Variants in TMEM131 observed in about 807,000 individuals in gnomAD.
TMEM131 encodes the protein transmembrane protein 131.
TMEM131 carries 66 observed loss-of-function variants against 211.6 expected under a neutral mutation model. The ratio of observed to expected loss-of-function variants is 0.31; its 90% CI spans 0.26 to 0.38. The LOEUF is 0.38. Ranked by LOEUF, TMEM131 falls within the 10% of genes least tolerant of loss-of-function variation. The probability of loss-of-function intolerance (pLI) is 1.00; values close to 1 mark genes in which losing one functional copy is unlikely to be tolerated. For missense variants in TMEM131, 2,036 were observed against 2,299.3 expected (o/e 0.89, Z 2.34); for synonymous variants, 844 against 841.3 (o/e 1.00, Z -0.06).
At chr2:97,849,622 A>G (rs116741529) in intron 5 of TMEM131, among the ~76,000 whole-genome samples, 4,216 of 152,004 alleles carry the variant, frequency 0.028, 64 homozygotes, top group Middle Eastern at 0.065. Context: ...AGTATACTAT[A>G]ATTTAAAAAC....
intron 10 of TMEM131, 130 bp downstream of exon 10, chr2:97,834,490 TG>T (rs1290861985): frequency 8.1e-6 from 6 of 743,450 alleles, no homozygotes; most frequent in Non-Finnish European, 1.3e-5. Flanking sequence ...AAAGGAGATT[TG>T]TACAAGATCA....
rs1681712126 is a variant in TMEM131, at chr2:97,814,309, G to A, written c.1372C>T (p.Leu458Phe). The A allele has an allele frequency of 2.5e-6, 4 of 1,613,708 alleles. No individual in the cohort carries two copies. The highest frequency in any genetic ancestry group is 3.4e-6 in the Non-Finnish European group (4 of 1,179,808). ...ATCGCAAAACTGAAAGTGTTAGTAA[G>A]GTAAATTGGCCTTTCCACAGGATCA... ...PADPVERPIY[L>F]TNTFSFAILI... The change falls in exon 14 of 41, where the codon CTT (leucine) becomes TTT (phenylalanine). Residue 458 changes from leucine (L) to phenylalanine (F), a missense_variant. Around this residue, in one of 3 missense-constraint regions of TMEM131, gnomAD observed 1,623 missense variants for 1,805.9 expected, o/e 0.90. Coordinates refer to ENST00000186436, the MANE Select transcript of TMEM131 (RefSeq NM_015348.2).
At chr2:97,977,400 A>G (rs1421064641) in intron 1 of TMEM131, among the ~76,000 whole-genome samples, 1 of 152,236 alleles carries the variant, frequency 6.6e-6, no homozygotes. Flanking sequence ...AAATAAGCAC[A>G]TGAAAAGATG....
At chr2:97,806,716 C>T (rs1681316522) in intron 19 of TMEM131, among the ~76,000 whole-genome samples, 1 of 152,096 alleles carries the variant, frequency 6.6e-6, no homozygotes, top group Non-Finnish European at 1.5e-5. Flanking sequence ...TGGCTGAATA[C>T]AAAATTTTAC....
chr2:97,988,169 T>C (rs960432692), intron 1 of TMEM131, among the ~76,000 whole-genome samples: 3 of 152,180 alleles, frequency 2.0e-5, no homozygotes, highest in Non-Finnish European at 2.9e-5. Context: ...ATATAGCCAA[T>C]TAATTTTCAT....
chr2:97,777,190 A>T (rs1679782174), intron 31 of TMEM131, among the ~76,000 whole-genome samples: 1 of 152,252 alleles, frequency 6.6e-6, no homozygotes, highest in African/African-American at 2.4e-5. Context: ...TTGTGCCTGC[A>T]AAATCACCTG....
At chr2:97,879,513 G>A (rs1420467427) in intron 4 of TMEM131, among the ~76,000 whole-genome samples, 1 of 152,172 alleles carries the variant, frequency 6.6e-6, no homozygotes, top group Non-Finnish European at 1.5e-5. Context: ...TTCTCACAAT[G>A]TCAATAATGG....
At chr2:97,779,448 G>A (rs1473178808) in intron 31 of TMEM131, among the ~76,000 whole-genome samples, 4 of 152,182 alleles carry the variant, frequency 2.6e-5, no homozygotes, top group Non-Finnish European at 5.9e-5. Context: ...GACTCTCAGG[G>A]CAAGCGTGTT....
intron 2 of TMEM131, among the ~76,000 whole-genome samples, chr2:97,921,180 C>A (rs1230933468): frequency 6.6e-6 from 1 of 152,026 alleles, no homozygotes; most frequent in African/African-American, 2.4e-5. Flanking sequence ...CAAAGAAATC[C>A]AATACAGTGC....
intron 1 of TMEM131, among the ~76,000 whole-genome samples, chr2:97,981,850 T>G (rs1679813472): frequency 6.6e-6 from 1 of 152,232 alleles, no homozygotes; most frequent in African/African-American, 2.4e-5. Context: ...CACAATGTTT[T>G]CAAGGTTCAC....
In TMEM131 at chr2:97,757,069, C is replaced by G; in HGVS notation, c.*30G>C. On this transcript the variant is annotated 3_prime_UTR_variant, in exon 41 of 41. Coordinates refer to ENST00000186436, the MANE Select transcript of TMEM131 (RefSeq NM_015348.2). The stretch of plus-strand genomic sequence containing the variant: ...TGGCACATCATGATCTAGACGAGGG[C>G]CCACTATGTTTGTTTGTTTTTTGCT... 1.3e-6 allele frequency: 2 copies of G among 1,552,702 alleles called. No homozygotes were observed. Among genetic ancestry groups the G allele is most frequent in the African/African-American group, 2.7e-5 (2 of 73,330 alleles).
rs774598906 is a variant in TMEM131, at chr2:97,760,630, T to C, written c.5071A>G (p.Ile1691Val). The part of the protein sequence containing the change: ...NKTGFSSSLG[I>V]SHAPVDSDGS... ...TCGCTGTCAACAGGAGCGTGTGAAA[T>C]GCCAAGGCTGCTGGAGAAACCTGTT... Residue 1691 changes from isoleucine to valine, a missense_variant, in exon 38 of 41, where the codon ATT (isoleucine) becomes GTT (valine). This residue lies in a region of TMEM131 where 1,623 missense variants were observed against 1,805.9 expected (regional missense o/e 0.90). Transcript: ENST00000186436. The C allele has an allele frequency of 1.2e-6, 2 of 1,613,222 alleles. No homozygotes were observed. Among genetic ancestry groups the C allele is most frequent in the South Asian group, 1.1e-5 (1 of 90,892 alleles).
chr2:97,964,836 T>C (rs1050158477), intron 1 of TMEM131, among the ~76,000 whole-genome samples: 5 of 152,220 alleles, frequency 3.3e-5, no homozygotes, highest in African/African-American at 1.2e-4. Context: ...TACACACTAT[T>C]ATCAGCAAAC....
At chr2:97,891,409 C>T (rs1675369495) in intron 3 of TMEM131, among the ~76,000 whole-genome samples, 1 of 152,102 alleles carries the variant, frequency 6.6e-6, no homozygotes, top group African/African-American at 2.4e-5. Flanking sequence ...TTCAAAGCAA[C>T]AAAATCTGAG....
intron 2 of TMEM131, among the ~76,000 whole-genome samples, chr2:97,926,049 T>C (rs1236627572): frequency 6.6e-6 from 1 of 151,650 alleles, no homozygotes; most frequent in Non-Finnish European, 1.5e-5. Flanking sequence ...GAGGCAGAGC[T>C]TGTGGTGAGC....
At chr2:97,827,133 C>A in intron 11 of TMEM131, 4 of 461,076 alleles carry the variant, frequency 8.7e-6, no homozygotes, top group Non-Finnish European at 1.6e-5. Context: ...CAAAAGTTTG[C>A]TAAAAGTTAA....
intron 1 of TMEM131, among the ~76,000 whole-genome samples, chr2:97,951,760 T>G (rs1314126901): frequency 6.6e-6 from 1 of 152,024 alleles, no homozygotes; most frequent in African/African-American, 2.4e-5. Context: ...TCCAGTCCAG[T>G]GTGTTTCAAG....
chr2:97,963,175 T>C (rs1678897565), intron 1 of TMEM131, among the ~76,000 whole-genome samples: 1 of 152,042 alleles, frequency 6.6e-6, no homozygotes, highest in Non-Finnish European at 1.5e-5. Flanking sequence ...CTCAATAGAG[T>C]TGGCTAAAAC....
At chr2:97,948,074 A>G (rs565111419) in intron 1 of TMEM131, among the ~76,000 whole-genome samples, 2 of 152,366 alleles carry the variant, frequency 1.3e-5, no homozygotes, top group South Asian at 2.1e-4. Context: ...CTAAAATTCT[A>G]AAGTTCCTAG....
Sources: gnomAD v4.1 joint callset for allele counts (sites outside exome capture counted in the v4.1 genomes callset) on GRCh38, gnomAD v4.1.1 for gene constraint, gnomAD v4.1.1 regional missense constraint, MANE v1.5 for transcripts, NCBI Gene and HGNC (gene_info 2026-07-23, HGNC 2026-07-21) for gene names.